Variants in KLF12 observed in about 807,000 individuals in gnomAD.
The protein encoded by KLF12 is Krueppel-like factor 12.
In KLF12, 9 loss-of-function variants were observed where a neutral mutation model predicts 37.8. The ratio of observed to expected loss-of-function variants is 0.24; its 90% CI spans 0.14 to 0.42. KLF12 has a LOEUF of 0.42. KLF12 is among the 10% of genes least tolerant of loss of function. The pLI is 1.00. For synonymous variants in KLF12, 208 were observed against 202.1 expected, an observed-to-expected ratio of 1.03 and a Z score of -0.25; for missense variants, 411 against 516.0, an observed-to-expected ratio of 0.80 and a Z score of 1.97.
At chr13:74,171,813 A>T in the KLF12 span, among the ~76,000 whole-genome samples, 6 of 152,352 alleles carry the variant, frequency 3.9e-5, no homozygotes, top group African/African-American at 1.4e-4. Context: ...TAAGCCACCC[A>T]CATCTGCAAA....
chr13:73,804,959 A>G (rs189269539), intron 5 of KLF12, among the ~76,000 whole-genome samples: 25 of 152,340 alleles, frequency 1.6e-4, no homozygotes, highest in Admixed American at 1.6e-3. Flanking sequence ...GAAATTAGAA[A>G]CCAAATACAT....
chr13:74,073,138 G>A (rs768441308), intron 1 of KLF12, among the ~76,000 whole-genome samples: 4 of 152,130 alleles, frequency 2.6e-5, no homozygotes, highest in East Asian at 1.9e-4. Context: ...GAGGCCGCCC[G>A]AGCCATGTAG....
At chr13:73,735,570 G>A (rs964727512) in intron 6 of KLF12, among the ~76,000 whole-genome samples, 7 of 152,024 alleles carry the variant, frequency 4.6e-5, no homozygotes, top group African/African-American at 1.4e-4. Flanking sequence ...TCCAGCTGTG[G>A]GAACCACCTG....
chr13:74,075,370 T>G (rs773010813), intron 1 of KLF12, among the ~76,000 whole-genome samples: 28 of 152,188 alleles, frequency 1.8e-4, no homozygotes, highest in Admixed American at 1.3e-4. Context: ...TAAAATCTGA[T>G]AGCAAGAATG....
At chr13:73,931,272 T>A (rs911521721) in intron 3 of KLF12, among the ~76,000 whole-genome samples, 1 of 152,234 alleles carries the variant, frequency 6.6e-6, no homozygotes, top group Non-Finnish European at 1.5e-5. Flanking sequence ...TTGTGTACTA[T>A]GCTAAGTATT....
At chr13:73,887,980 A>G (rs564999511) in intron 3 of KLF12, among the ~76,000 whole-genome samples, 3 of 152,226 alleles carry the variant, frequency 2.0e-5, no homozygotes, top group African/African-American at 4.8e-5. Context: ...TGATCATTGT[A>G]TTTATGCGTC....
intron 1 of KLF12, among the ~76,000 whole-genome samples, chr13:74,104,953 C>T (rs1876572737): frequency 6.6e-6 from 1 of 152,144 alleles, no homozygotes; most frequent in African/African-American, 2.4e-5. Flanking sequence ...TTTTACCCAC[C>T]TATATTAACT....
intron 1 of KLF12, among the ~76,000 whole-genome samples, chr13:74,081,057 G>A (rs1031871177): frequency 2.0e-5 from 3 of 152,164 alleles, no homozygotes; most frequent in African/African-American, 7.2e-5. Flanking sequence ...CCTCTGGTAC[G>A]AAATGACCAA....
chr13:74,277,997 A>G, the KLF12 span, among the ~76,000 whole-genome samples: 1 of 152,170 alleles, frequency 6.6e-6, no homozygotes, highest in South Asian at 2.1e-4. Context: ...GAGGAGAGAT[A>G]GGTTGGGGCA....
At chr13:73,974,375 A>C (rs536866297) in intron 2 of KLF12, among the ~76,000 whole-genome samples, 1 of 152,122 alleles carries the variant, frequency 6.6e-6, no homozygotes, top group South Asian at 2.1e-4. Context: ...GGGGGAACAA[A>C]GAAGTCAAAC....
chr13:74,121,940 A>G (rs945547720), intron 1 of KLF12, among the ~76,000 whole-genome samples: 23 of 151,940 alleles, frequency 1.5e-4, no homozygotes, highest in African/African-American at 5.3e-4. Flanking sequence ...TAAAAAGTAG[A>G]CTCCCTCTCT....
chr13:74,014,804 G>C (rs1892646089), intron 1 of KLF12, among the ~76,000 whole-genome samples: 1 of 152,118 alleles, frequency 6.6e-6, no homozygotes, highest in Non-Finnish European at 1.5e-5. Context: ...TTGAAACTTT[G>C]AAAACCAAAG....
intron 1 of KLF12, among the ~76,000 whole-genome samples, chr13:74,063,494 G>T (rs1873733320): frequency 6.6e-6 from 1 of 152,100 alleles, no homozygotes; most frequent in Admixed American, 6.5e-5. Flanking sequence ...TCTTCCTCAA[G>T]AATAGTATTA....
rs185071529 is a variant in KLF12 at position 73,754,577 on chromosome 13, G to T, written c.869+10361C>A. Among the ~76,000 whole-genome samples, 13 of 152,300 alleles carry T rather than the reference G, an allele frequency of 8.5e-5. No homozygotes were observed. In the East Asian group the frequency reaches 2.1e-3, roughly 25 times the overall value. ...ACTGCGGAAAACACATTCTCTATTA[G>T]CCATGGTAATGATGACTTCCAAATA... On this transcript the variant is annotated intron_variant, in intron 6 of 7. Transcript: ENST00000377669.
the KLF12 span, among the ~76,000 whole-genome samples, chr13:74,275,805 TC>T: frequency 1.4e-5 from 1 of 74,068 alleles, no homozygotes; most frequent in Non-Finnish European, 2.7e-5. Flanking sequence ...TTTCTTTCTT[TC>T]CTTCTTTCTT....
chr13:74,008,887 T>G (rs1247213705), intron 1 of KLF12, among the ~76,000 whole-genome samples: 1 of 152,238 alleles, frequency 6.6e-6, no homozygotes, highest in Non-Finnish European at 1.5e-5. Context: ...CAGGCAGGAA[T>G]AAAATCGATA....
intron 2 of KLF12, among the ~76,000 whole-genome samples, chr13:73,950,830 T>C (rs1890616885): frequency 6.6e-6 from 1 of 152,108 alleles, no homozygotes; most frequent in Non-Finnish European, 1.5e-5. Flanking sequence ...ACTTCAGTCC[T>C]GGAAAAGGAA....
the KLF12 span, among the ~76,000 whole-genome samples, chr13:74,203,165 T>C: frequency 3.3e-5 from 5 of 152,046 alleles, no homozygotes; most frequent in South Asian, 4.1e-4. Context: ...GTTTGAAGAA[T>C]GTGTGGGGCA....
intron 1 of KLF12, among the ~76,000 whole-genome samples, chr13:74,053,664 T>C (rs1043378284): frequency 4.6e-5 from 7 of 152,292 alleles, no homozygotes; most frequent in African/African-American, 1.7e-4. Flanking sequence ...GGAGGTTACA[T>C]GCCTGGAAAA....
Sources: allele counts gnomAD v4.1 joint callset (sites outside exome capture counted in the v4.1 genomes callset), GRCh38; gene constraint gnomAD v4.1.1; transcripts MANE v1.5; gene names NCBI Gene and HGNC (gene_info 2026-07-23, HGNC 2026-07-21).